Variants in FAM171A1 observed in about 807,000 individuals in gnomAD.
FAM171A1 encodes protein FAM171A1.
A neutral mutation model predicts 74.9 loss-of-function variants in FAM171A1; 23 were observed. That is an observed-to-expected ratio of 0.31 (90% CI 0.22 to 0.44). The LOEUF (loss-of-function observed/expected upper bound fraction) is 0.44. Ranked by LOEUF, FAM171A1 falls within the 20% of genes least tolerant of loss-of-function variation. FAM171A1 has a pLI of 1.00. For synonymous variants in FAM171A1, 527 were observed against 505.7 expected, an observed-to-expected ratio of 1.04 and a Z score of -0.57; for missense variants, 1,162 against 1,159.2, an observed-to-expected ratio of 1.00 and a Z score of -0.03.
In FAM171A1 at chr10:15,213,331, G is replaced by A. The variant is rs370853697; in HGVS notation, c.2257C>T (p.Arg753Trp). The change falls in exon 8 of 8, where the codon CGG (arginine) becomes TGG (tryptophan). Residue 753 changes from arginine (R) to tryptophan (W), a missense_variant. Transcript: ENST00000378116. This position sits in a 1 kb window ranked among gnomAD's most constrained non-coding sequence, Gnocchi z 6.8. ...GVDMNEPKSARKGRGDALSLQ... is the reference protein window; with the variant it reads ...GVDMNEPKSAWKGRGDALSLQ... ...GACAAAGCATCTCCCCTTCCCTTCC[G>A]GGCTGATTTTGGTTCATTCATATCT... 3.2e-5 allele frequency: 51 copies of A among 1,614,006 alleles called. No individual in the cohort carries two copies. Among genetic ancestry groups the A allele is most frequent in the African/African-American group, 8.0e-5 (6 of 74,892 alleles).
intron 1 of FAM171A1, among the ~76,000 whole-genome samples, chr10:15,305,532 G>A (rs548561735): frequency 1.3e-5 from 2 of 152,028 alleles, no homozygotes; most frequent in African/African-American, 4.8e-5. Context: ...GCCTGGTGTG[G>A]TGTGCATGCC....
At chr10:15,287,737 A>C (rs569011071) in intron 1 of FAM171A1, among the ~76,000 whole-genome samples, 1 of 152,282 alleles carries the variant, frequency 6.6e-6, no homozygotes, top group African/African-American at 2.4e-5. Context: ...CCCAAGTAGT[A>C]TACTATTCCT....
chr10:15,330,388 G>T (rs925388690), intron 1 of FAM171A1, among the ~76,000 whole-genome samples: 55 of 152,130 alleles, frequency 3.6e-4, no homozygotes, highest in African/African-American at 1.3e-3. Flanking sequence ...ATTTTTAAAG[G>T]TAAACAAATG....
At chr10:15,239,568 G>C (rs1199316114) in intron 5 of FAM171A1, among the ~76,000 whole-genome samples, 1 of 152,142 alleles carries the variant, frequency 6.6e-6, no homozygotes, top group Admixed American at 6.5e-5. Flanking sequence ...CTCCCAAAGT[G>C]CTGGGATTAC....
chr10:15,222,651 T>C (rs964763408), intron 5 of FAM171A1, among the ~76,000 whole-genome samples: 2 of 152,232 alleles, frequency 1.3e-5, no homozygotes, highest in African/African-American at 4.8e-5. Context: ...TGGATTTTTA[T>C]TCCCCCTGAA....
At chr10:15,323,432 G>A (rs1048589624) in intron 1 of FAM171A1, among the ~76,000 whole-genome samples, 2 of 152,124 alleles carry the variant, frequency 1.3e-5, no homozygotes, top group Admixed American at 6.6e-5. Context: ...CAGCCTGGGC[G>A]ACAAGAGCAA....
intron 1 of FAM171A1, among the ~76,000 whole-genome samples, chr10:15,313,177 C>T (rs758190835): frequency 9.2e-5 from 14 of 152,154 alleles, no homozygotes; most frequent in Admixed American, 2.6e-4. Flanking sequence ...GTTCCTCCTC[C>T]GTGGAAACAC....
intron 1 of FAM171A1, among the ~76,000 whole-genome samples, chr10:15,317,378 A>C (rs1044836482): frequency 2.0e-5 from 3 of 152,136 alleles, no homozygotes; most frequent in African/African-American, 4.8e-5. Flanking sequence ...GGTTGCGCTC[A>C]TATTTTATTT....
chr10:15,259,125 T>C (rs1230530878), intron 3 of FAM171A1, among the ~76,000 whole-genome samples: 2 of 152,156 alleles, frequency 1.3e-5, no homozygotes, highest in South Asian at 2.1e-4. Context: ...ATCATCATTC[T>C]CCCTATCTAT....
intron 6 of FAM171A1, among the ~76,000 whole-genome samples, chr10:15,218,826 G>A (rs1454624771): frequency 6.6e-6 from 1 of 151,970 alleles, no homozygotes; most frequent in Non-Finnish European, 1.5e-5. Flanking sequence ...GAACTCCTGG[G>A]CTCAAGAGAT....
chr10:15,212,907 G>A lies in FAM171A1; in HGVS notation c.*8C>T, dbSNP rs774681357. The stretch of plus-strand genomic sequence containing the variant: ...TTATATTCCACAGTCAGGTGGGTCT[G>A]CGATAGCTCATTTAATGTTAAACGC... On this transcript the variant is annotated 3_prime_UTR_variant, in exon 8 of 8. Transcript: ENST00000378116. The A allele has an allele frequency of 5.6e-6, 9 of 1,613,442 alleles. No individual in the cohort carries two copies. Among genetic ancestry groups the A allele is most frequent in the Non-Finnish European group, 7.6e-6 (9 of 1,179,930 alleles).
At chr10:15,336,711 A>G (rs1354764814) in intron 1 of FAM171A1, among the ~76,000 whole-genome samples, 1 of 152,202 alleles carries the variant, frequency 6.6e-6, no homozygotes, top group East Asian at 1.9e-4. Flanking sequence ...TAAAATGTCA[A>G]TTAAGTGTAA....
At position 15,371,264 on chromosome 10, in the gene FAM171A1, G is replaced by GGCT. The variant is rs1316314002; in HGVS notation, c.-215_-213dup. 7.6e-5 allele frequency among the ~76,000 whole-genome samples: 11 copies of GGCT among 144,008 alleles called. No homozygotes were observed. Among genetic ancestry groups the GGCT allele is most frequent in the South Asian group, 2.1e-4 (1 of 4,716 alleles). 94.5% of individuals were successfully genotyped at this position (144,008 alleles called of 152,430 possible). ...GAGCCGCGGCGGCGGCGGCGGCGGC[G>GGCT]GCTGCTGCTGCTCCGCCAGCTCCTT... On this transcript the variant is annotated 5_prime_UTR_variant, in exon 1 of 8. Coordinates refer to ENST00000378116, the MANE Select transcript of FAM171A1 (RefSeq NM_001010924.2).
Position 15,218,556 on chromosome 10 carries a change from G to A in FAM171A1, c.871+2388C>T, listed in dbSNP as rs540039621. 2.2e-4 allele frequency among the ~76,000 whole-genome samples: 33 copies of A among 152,198 alleles called. No homozygotes were observed. In the East Asian group the frequency reaches 6.0e-3, roughly 28 times the overall value. On this transcript the variant is annotated intron_variant, in intron 6 of 7. Coordinates refer to ENST00000378116, the MANE Select transcript of FAM171A1 (RefSeq NM_001010924.2). ...GTGGGTTGTGAGATGACTGACATAT[G>A]TATCCCTACATTAAATACCATCAGA...
chr10:15,287,724 G>A (rs1835054792), intron 1 of FAM171A1, among the ~76,000 whole-genome samples: 1 of 152,040 alleles, frequency 6.6e-6, no homozygotes, highest in Non-Finnish European at 1.5e-5. Flanking sequence ...GGTCCTCTGT[G>A]TCCCCAAGTA....
intron 3 of FAM171A1, among the ~76,000 whole-genome samples, chr10:15,255,420 TG>T (rs1381235534): frequency 1.3e-5 from 2 of 152,200 alleles, no homozygotes; most frequent in Non-Finnish European, 2.9e-5. Context: ...TCTCTTTCTG[TG>T]GGAGCTGCCA....
At chr10:15,228,242 T>A (rs756073195) in intron 5 of FAM171A1, among the ~76,000 whole-genome samples, 1 of 152,044 alleles carries the variant, frequency 6.6e-6, no homozygotes, top group East Asian at 1.9e-4. Flanking sequence ...CTATTGACTT[T>A]GAAAAGATCG....
In FAM171A1 at chr10:15,221,032, A is replaced by G; in HGVS notation, c.783T>C (p.Leu261=). The G allele has an allele frequency of 3.1e-6, 5 of 1,614,184 alleles. No homozygotes were observed. Among genetic ancestry groups the G allele is most frequent in the Non-Finnish European group, 4.2e-6 (5 of 1,180,022 alleles). ...LGTWLKSGLG[L]VHQEGSQLTW... is the part of the protein sequence containing the mutation. ...TCAGCTGGCTGCCTTCCTGGTGCAC[A>G]AGACCCAGACCGCTCTTCAGCCACG... Residue 261 remains leucine, a synonymous_variant, in exon 6 of 8, where the codon CTT becomes CTC. Coordinates refer to ENST00000378116, the MANE Select transcript of FAM171A1 (RefSeq NM_001010924.2).
In FAM171A1 at chr10:15,224,793, C is replaced by CTTTATAA. The variant is rs1256948682; in HGVS notation, c.755-3734_755-3733insTTATAAA. Among the ~76,000 whole-genome samples the CTTTATAA allele has an allele frequency of 1.5e-3, 224 of 152,274 alleles. 1 individual carries two copies. Among genetic ancestry groups the CTTTATAA allele is most frequent in the African/African-American group, 5.1e-3 (213 of 41,546 alleles). On this transcript the variant is annotated intron_variant, in intron 5 of 7. Transcript: ENST00000378116. Reference sequence around the variant, plus strand: ...AACCTCTTTTTCTTTATAAATTTCCCAGTCTCAGGTATGTCTTTATCAGCA... The same window carrying CTTTATAA: ...AACCTCTTTTTCTTTATAAATTTCCCTTTATAAAGTCTCAGGTATGTCTTTATCAGCA...
Sources: allele counts gnomAD v4.1 joint callset (sites outside exome capture counted in the v4.1 genomes callset), GRCh38; gene constraint gnomAD v4.1.1; non-coding constraint Gnocchi (gnomAD v3.1); transcripts MANE v1.5; gene names NCBI Gene and HGNC (gene_info 2026-07-23, HGNC 2026-07-21).